Variants in SCARA3 observed in about 807,000 individuals in gnomAD.
SCARA3 encodes cellular stress response gene protein.
A neutral mutation model predicts 47.0 loss-of-function variants in SCARA3; 39 were observed. The observed-to-expected ratio is 0.83, with a 90% CI of 0.64 to 1.08. SCARA3 has a LOEUF of 1.08. SCARA3 is among the 50% of genes least tolerant of loss of function. SCARA3 has a pLI of 0.00. For synonymous variants in SCARA3, 356 were observed against 334.1 expected (o/e 1.07, Z -0.71); for missense variants, 724 against 792.3 (o/e 0.91, Z 1.04).
At chr8:27,648,376 G>A (rs1801553121) in intron 1 of SCARA3, among the ~76,000 whole-genome samples, 1 of 152,242 alleles carries the variant, frequency 6.6e-6, no homozygotes, top group South Asian at 2.1e-4. Context: ...GGAGGCCAAG[G>A]TGGGTGGATC....
intron 1 of SCARA3, among the ~76,000 whole-genome samples, chr8:27,646,078 G>A (rs1477794405): frequency 6.6e-6 from 1 of 152,200 alleles, no homozygotes. Flanking sequence ...TGAGTCAGGG[G>A]TCCCCACAGT....
intron 5 of SCARA3, among the ~76,000 whole-genome samples, chr8:27,660,996 G>A (rs1462418387): frequency 6.6e-6 from 1 of 152,150 alleles, no homozygotes; most frequent in East Asian, 1.9e-4. Context: ...AGACCATCAG[G>A]CAGGAAGAAT....
chr8:27,727,678 C>A, the SCARA3 span, among the ~76,000 whole-genome samples: 2 of 152,126 alleles, frequency 1.3e-5, no homozygotes, highest in African/African-American at 4.8e-5. Flanking sequence ...CCTTGTTTGG[C>A]CTATACAATA....
the SCARA3 span, among the ~76,000 whole-genome samples, chr8:27,688,422 G>T: frequency 1.3e-5 from 2 of 151,860 alleles, no homozygotes; most frequent in African/African-American, 4.8e-5. Context: ...CCAGCCAGGT[G>T]CAGTGATTCA....
At chr8:27,725,684 TTCATGGCTGGAG>T in the SCARA3 span, among the ~76,000 whole-genome samples, 1 of 152,244 alleles carries the variant, frequency 6.6e-6, no homozygotes, top group African/African-American at 2.4e-5. Flanking sequence ...CATGGTTGGG[TTCATGGCTGGAG>T]TCATGGCTGG....
the SCARA3 span, among the ~76,000 whole-genome samples, chr8:27,697,714 G>T: frequency 6.6e-6 from 1 of 152,156 alleles, no homozygotes; most frequent in Non-Finnish European, 1.5e-5. Flanking sequence ...TCCTCATACT[G>T]TTCTCCTGGT....
the SCARA3 span, among the ~76,000 whole-genome samples, chr8:27,696,616 A>ATTT: frequency 3.7e-3 from 502 of 134,170 alleles, 8 homozygotes; most frequent in East Asian, 0.038. Context: ...CACCTGGCTA[A>ATTT]TTTTTTTTTT....
chr8:27,713,847 C>T, the SCARA3 span, among the ~76,000 whole-genome samples: 1 of 152,168 alleles, frequency 6.6e-6, no homozygotes, highest in Admixed American at 6.5e-5. Context: ...TGTCCCTGCC[C>T]AAATCTTGCA....
intron 1 of SCARA3, among the ~76,000 whole-genome samples, chr8:27,636,880 G>T (rs1416382067): frequency 6.6e-6 from 1 of 152,194 alleles, no homozygotes; most frequent in Admixed American, 6.5e-5. Context: ...ATTGGCTTCC[G>T]GGATCTGTGG....
the SCARA3 span, among the ~76,000 whole-genome samples, chr8:27,696,434 T>C: frequency 6.6e-6 from 1 of 151,956 alleles, no homozygotes; most frequent in Non-Finnish European, 1.5e-5. Flanking sequence ...TTTGAATCAG[T>C]ATTTTTTGTT....
At chr8:27,674,324 T>A (rs1423983051), downstream of SCARA3, among the ~76,000 whole-genome samples, 1 of 152,238 alleles carries the variant, frequency 6.6e-6, no homozygotes, top group Non-Finnish European at 1.5e-5. Context: ...AGTTCCATGA[T>A]GGAGGTGCCT....
At chr8:27,721,155 C>A in the SCARA3 span, among the ~76,000 whole-genome samples, 1 of 142,616 alleles carries the variant, frequency 7.0e-6, no homozygotes, top group African/African-American at 2.5e-5. Context: ...TTAAGAACAT[C>A]CAAGCTTCTT....
intron 2 of SCARA3, among the ~76,000 whole-genome samples, chr8:27,650,239 C>T (rs1286274803): frequency 6.6e-6 from 1 of 152,152 alleles, no homozygotes; most frequent in Non-Finnish European, 1.5e-5. Flanking sequence ...AAGTGATCTG[C>T]CCGCCTCAGC....
chr8:27,635,275 G>A (rs1007957240), intron 1 of SCARA3, among the ~76,000 whole-genome samples: 1 of 151,902 alleles, frequency 6.6e-6, no homozygotes, highest in Non-Finnish European at 1.5e-5. Flanking sequence ...GGAAGAAAGG[G>A]CTCCACCGAC....
rs1487452397 is a variant in SCARA3, at chr8:27,671,189, G to A, written c.1659G>A (p.Gly553=). Residue 553 remains glycine, a synonymous_variant, in exon 6 of 6, where the codon GGG becomes GGA. Transcript: ENST00000301904. Reference sequence around the variant, plus strand: ...CCCCAGGGCCAGAAGGGCCCCCGGGGTCTCCAGGGCCCTCAGGGCCTCAGG... The same window carrying A: ...CCCCAGGGCCAGAAGGGCCCCCGGGATCTCCAGGGCCCTCAGGGCCTCAGG... ...IGPPGPEGPP[G]SPGPSGPQGK... is the part of the protein sequence containing the mutation. The A allele has an allele frequency of 7.9e-6, 12 of 1,516,400 alleles. No homozygotes were observed. The Admixed American group carries it at 3.0e-4, about 37-fold the overall frequency. The allele number at this position is 1,516,400 out of a possible 1,614,324, so 93.9% of individuals were successfully genotyped here. A position where few individuals can be genotyped will look rare whatever the true frequency, so the allele number is the denominator to read the frequency against.
chr8:27,643,903 T>C (rs1350163305), intron 1 of SCARA3, among the ~76,000 whole-genome samples: 2 of 152,144 alleles, frequency 1.3e-5, no homozygotes. Flanking sequence ...AAAGCCGGCA[T>C]TGGTGACCAC....
chr8:27,680,515 A>T (rs2128925786), downstream of SCARA3, among the ~76,000 whole-genome samples: 1 of 152,248 alleles, frequency 6.6e-6, no homozygotes, highest in African/African-American at 2.4e-5. Context: ...TACAAAAAGA[A>T]AATCTCCACT....
chr8:27,728,268 T>C, the SCARA3 span, among the ~76,000 whole-genome samples: 7 of 152,090 alleles, frequency 4.6e-5, no homozygotes, highest in East Asian at 1.3e-3. Context: ...CCTTTGTGAC[T>C]GGGAAAGGGT....
the SCARA3 span, among the ~76,000 whole-genome samples, chr8:27,689,033 G>A: frequency 1.7e-4 from 26 of 152,128 alleles, no homozygotes; most frequent in African/African-American, 6.0e-4. Context: ...AGCCCCCAAG[G>A]CACCTCCTTA....
Sources: allele counts gnomAD v4.1 joint callset (sites outside exome capture counted in the v4.1 genomes callset), GRCh38; gene constraint gnomAD v4.1.1; transcripts MANE v1.5; gene names NCBI Gene and HGNC (gene_info 2026-07-23, HGNC 2026-07-21).